Variants in SNX1 observed in about 807,000 individuals in gnomAD.
SNX1 encodes sorting nexin-1.
A neutral mutation model predicts 71.8 loss-of-function variants in SNX1; 36 were observed. The ratio of observed to expected loss-of-function variants is 0.50; its 90% CI spans 0.38 to 0.66. The LOEUF is 0.66. SNX1 is among the 30% of genes least tolerant of loss of function. The pLI is 0.00. For missense variants in SNX1, 612 were observed against 646.7 expected (o/e 0.95, Z 0.58); for synonymous variants, 254 against 240.7 (o/e 1.06, Z -0.51).
At chr15:64,121,620 T>C (rs2081197768) in intron 4 of SNX1, among the ~76,000 whole-genome samples, 1 of 152,136 alleles carries the variant, frequency 6.6e-6, no homozygotes, top group Admixed American at 6.5e-5. Context: ...GAACTGGGAG[T>C]TAGAACGTAA....
intron 4 of SNX1, among the ~76,000 whole-genome samples, chr15:64,119,442 C>G (rs537048033): frequency 6.6e-6 from 1 of 152,220 alleles, no homozygotes; most frequent in African/African-American, 2.4e-5. Context: ...TTTAAAAACC[C>G]CAACAGGCCA....
chr15:64,142,315 A>C lies in SNX1; in HGVS notation c.*4697A>C. Reference sequence around the variant, plus strand: ...TGCACTCCAGCCTAGGTGACAGAGCAAGATCTTGTCTCAAAAAAAAAAGCA... The same window carrying C: ...TGCACTCCAGCCTAGGTGACAGAGCCAGATCTTGTCTCAAAAAAAAAAGCA... On this transcript the variant is annotated 3_prime_UTR_variant, in exon 15 of 15. Transcript: ENST00000559844. 4.4e-6 allele frequency: 1 copy of C among 226,024 alleles called. No homozygotes were observed. The highest frequency in any genetic ancestry group is 5.5e-5 in the South Asian group (1 of 18,058). The allele number at this position is 226,024 out of a possible 1,614,324, so 14.0% of individuals were successfully genotyped here. A position where few individuals can be genotyped will look rare whatever the true frequency, so the allele number is the denominator to read the frequency against.
rs7167659 is a variant in SNX1, at chr15:64,144,158, G to A, written c.*6540G>A. On this transcript the variant is annotated 3_prime_UTR_variant, in exon 15 of 15. Transcript: ENST00000559844. This position sits in a 1 kb window ranked among gnomAD's most constrained non-coding sequence, Gnocchi z 4.3. ...TACCTTTAATTTTTAATACCATTTT[G>A]TATTGCTTAAAATTTGTATGTATTA... 19 of 152,142 alleles carry A rather than the reference G, an allele frequency of 1.2e-4. No individual in the cohort carries two copies. Among genetic ancestry groups the A allele is most frequent in the African/African-American group, 3.6e-4 (15 of 41,420 alleles). 9.4% of individuals were successfully genotyped at this position (152,142 alleles called of 1,614,324 possible).
chr15:64,121,108 G>C (rs185932017), intron 4 of SNX1, among the ~76,000 whole-genome samples: 2 of 152,296 alleles, frequency 1.3e-5, no homozygotes. Flanking sequence ...TTTTAAGCTA[G>C]TTATTCACCG....
intron 9 of SNX1, 57 bp from the exon 10 acceptor site, chr15:64,130,171 G>C: frequency 6.6e-7 from 1 of 1,523,860 alleles, no homozygotes; most frequent in Non-Finnish European, 9.1e-7. Context: ...GCTAAAGAAA[G>C]ACTGTACTGC....
At position 64,134,516 on chromosome 15, in the gene SNX1, C is replaced by T; in HGVS notation, c.1222-148C>T. 1 of 907,554 alleles carries T rather than the reference C, an allele frequency of 1.1e-6. No homozygotes were observed. The highest frequency in any genetic ancestry group is 1.6e-6 in the Non-Finnish European group (1 of 615,182). The allele number at this position is 907,554 out of a possible 1,614,324, so 56.2% of individuals were successfully genotyped here. A position where few individuals can be genotyped will look rare whatever the true frequency, so the allele number is the denominator to read the frequency against. On this transcript the variant is annotated intron_variant, in intron 11 of 14. Transcript: ENST00000559844. The surrounding 1 kb of genome is among the most constrained non-coding windows in gnomAD (Gnocchi z 4.1). Reference sequence around the variant, plus strand: ...CCAAGCTTTGCTCCTAGACATTAAACTTCCCAGCTGGGCACTAACATGTGG... The same window carrying T: ...CCAAGCTTTGCTCCTAGACATTAAATTTCCCAGCTGGGCACTAACATGTGG...
At chr15:64,130,383 T>C (rs1284592737) in intron 10 of SNX1, 62 bp downstream of exon 10, 7 of 1,263,040 alleles carry the variant, frequency 5.5e-6, no homozygotes, top group Non-Finnish European at 5.8e-6. Context: ...GAACTGGAGA[T>C]GCGAGGGCAT....
chr15:64,122,489 TC>T (rs2081205816), intron 4 of SNX1, among the ~76,000 whole-genome samples: 1 of 152,198 alleles, frequency 6.6e-6, no homozygotes. Flanking sequence ...GGTAAATTTT[TC>T]AAAAAGCAGG....
At chr15:64,135,299 G>A (rs931968949) in intron 12 of SNX1, among the ~76,000 whole-genome samples, 9 of 150,488 alleles carry the variant, frequency 6.0e-5, no homozygotes, top group Admixed American at 1.3e-4. Flanking sequence ...TTGTACTACC[G>A]TGTTAGTAGC....
Position 64,130,258 on chromosome 15 carries a change from T to C in SNX1, c.952T>C (p.Cys318Arg), listed in dbSNP as rs1232845300. The C allele has an allele frequency of 3.1e-6, 5 of 1,613,902 alleles. No homozygotes were observed. The highest frequency in any genetic ancestry group is 3.4e-6 in the Non-Finnish European group (4 of 1,180,006). ...WFEEKLQEVE[C>R]EEQRLRKLHA... The stretch of plus-strand genomic sequence containing the variant: ...TGAGGAGAAGCTCCAGGAGGTAGAG[T>C]GTGAGGAGCAGCGCTTACGGAAACT... Residue 318 changes from cysteine (C) to arginine (R), a missense_variant, in exon 10 of 15, where the codon TGT becomes CGT. Cys to Arg is a radical substitution (Grantham distance 180). Transcript: ENST00000559844.
chr15:64,124,420 T>G (rs1226606270), intron 5 of SNX1, among the ~76,000 whole-genome samples: 1 of 147,248 alleles, frequency 6.8e-6, no homozygotes, highest in African/African-American at 2.6e-5. Flanking sequence ...GGCAGGAGAA[T>G]GGCGTGAACC....
intron 5 of SNX1, among the ~76,000 whole-genome samples, chr15:64,125,841 A>G (rs1392124943): frequency 2.0e-5 from 3 of 152,232 alleles, no homozygotes; most frequent in Admixed American, 6.5e-5. Flanking sequence ...TTATAATCCT[A>G]TATATTTTTT....
chr15:64,116,268 T>A (rs1005432246), intron 2 of SNX1, among the ~76,000 whole-genome samples: 1 of 152,176 alleles, frequency 6.6e-6, no homozygotes, highest in Non-Finnish European at 1.5e-5. Flanking sequence ...CATCCTCACA[T>A]TGAGTAAGTA....
In SNX1 at chr15:64,137,688, G is replaced by C; in HGVS notation, c.*70G>C. The stretch of plus-strand genomic sequence containing the variant: ...ATACACTGTCCTCCTCCACCTTGAT[G>C]GACCCCTAGTGATGCATCCTGCCTA... On this transcript the variant is annotated 3_prime_UTR_variant, in exon 15 of 15. Transcript: ENST00000559844. 6.2e-7 allele frequency: 1 copy of C among 1,608,790 alleles called. No individual in the cohort carries two copies. Among genetic ancestry groups the C allele is most frequent in the East Asian group, 2.2e-5 (1 of 44,764 alleles).
intron 1 of SNX1, among the ~76,000 whole-genome samples, chr15:64,096,550 G>A (rs1294771122): frequency 1.3e-5 from 2 of 152,196 alleles, no homozygotes; most frequent in African/African-American, 4.8e-5. Context: ...CCTTTCCCCC[G>A]TCTTACTGCT....
chr15:64,111,411 A>C (rs1478417859), intron 1 of SNX1: 1 of 152,208 alleles, frequency 6.6e-6, no homozygotes. Flanking sequence ...ATAAGTCTAA[A>C]TATTGGTATG....
chr15:64,099,534 C>T (rs956470532), intron 1 of SNX1, among the ~76,000 whole-genome samples: 1 of 152,148 alleles, frequency 6.6e-6, no homozygotes, highest in African/African-American at 2.4e-5. Context: ...AGCCTGTAGT[C>T]CCGCATACTT....
intron 1 of SNX1, among the ~76,000 whole-genome samples, chr15:64,107,932 G>A (rs567865307): frequency 1.1e-4 from 17 of 152,160 alleles, no homozygotes; most frequent in African/African-American, 2.2e-4. Context: ...AGTGGCTCAC[G>A]CCTGTAATCC....
intron 11 of SNX1, among the ~76,000 whole-genome samples, chr15:64,133,321 G>A (rs1331919728): frequency 6.6e-6 from 1 of 152,252 alleles, no homozygotes; most frequent in African/African-American, 2.4e-5. Flanking sequence ...ACATTGAGGT[G>A]TTAAGATGCT....
Sources: allele counts gnomAD v4.1 joint callset (sites outside exome capture counted in the v4.1 genomes callset), GRCh38; gene constraint gnomAD v4.1.1; non-coding constraint Gnocchi (gnomAD v3.1); transcripts MANE v1.5; gene names NCBI Gene and HGNC (gene_info 2026-07-23, HGNC 2026-07-21).